URGCP: variants seen among roughly 807,000 people sequenced by gnomAD.
URGCP encodes upregulator of cell proliferation, also known as up-regulator of cell proliferation.
Under a neutral mutation model 24.6 loss-of-function variants are expected in URGCP, and 13 were observed. That is an observed-to-expected ratio of 0.53 (90% CI 0.34 to 0.84). The LOEUF (loss-of-function observed/expected upper bound fraction) is 0.84. Ranked by LOEUF, URGCP falls within the 40% of genes least tolerant of loss-of-function variation. The pLI is 0.01. For missense variants in URGCP, 899 were observed against 1,194.3 expected (o/e 0.75, Z 3.64); for synonymous variants, 444 against 487.2 (o/e 0.91, Z 1.17).
chr7:43,879,329 T>G, intron 5 of URGCP, 69 bp from the exon 6 acceptor site: 1 of 1,511,766 alleles, frequency 6.6e-7, no homozygotes, highest in Middle Eastern at 2.5e-4. Flanking sequence ...GAAGAGCTGG[T>G]GAAGGAGAGC....
chr7:43,922,152 C>G (rs2095923175), intron 1 of URGCP, among the ~76,000 whole-genome samples: 1 of 152,210 alleles, frequency 6.6e-6, no homozygotes, highest in African/African-American at 2.4e-5. Flanking sequence ...GCAACCTCCA[C>G]CTCCCAGGTT....
upstream of URGCP, among the ~76,000 whole-genome samples, chr7:43,908,917 G>A (rs1206890294): frequency 2.0e-5 from 3 of 152,146 alleles, no homozygotes; most frequent in Non-Finnish European, 4.4e-5. Flanking sequence ...AAACTTTCCC[G>A]TGGCCCGTAC....
At chr7:43,891,774 C>T (rs1036602695) in intron 1 of URGCP, among the ~76,000 whole-genome samples, 1 of 152,136 alleles carries the variant, frequency 6.6e-6, no homozygotes, top group Admixed American at 6.6e-5. Context: ...GCTACCACAC[C>T]TGGCTACTTT....
intron 1 of URGCP, among the ~76,000 whole-genome samples, chr7:43,917,294 T>C (rs2095916588): frequency 6.6e-6 from 1 of 152,240 alleles, no homozygotes; most frequent in African/African-American, 2.4e-5. Context: ...AGGTTGGTCT[T>C]AAGCTGTAGC....
intron 1 of URGCP, chr7:43,918,654 C>T (rs1272426941): frequency 4.9e-6 from 3 of 612,124 alleles, no homozygotes; most frequent in East Asian, 5.6e-5. Context: ...CACGCGGCAG[C>T]GTTGCGGGTG....
chr7:43,878,010 C>CT lies in URGCP; in HGVS notation c.1452dup (p.Asp485ArgfsTer38). ...TCGTCCCTTCTGTAGGCATCCGAGT[C>CT]TTTGATTTTCCTGGTAATCCTCTCC... is the stretch of plus-strand genomic sequence containing the variant. On this transcript the variant is annotated frameshift_variant, in exon 6 of 6. Coordinates refer to ENST00000453200, the MANE Select transcript of URGCP (RefSeq NM_001077663.3). LOFTEE classifies it low-confidence loss of function (END_TRUNC). This position sits in a 1 kb window ranked among gnomAD's most constrained non-coding sequence, Gnocchi z 5.6. The CT allele has an allele frequency of 6.2e-7, 1 of 1,614,282 alleles. No individual in the cohort carries two copies. The highest frequency in any genetic ancestry group is 8.5e-7 in the Non-Finnish European group (1 of 1,180,056).
At chr7:43,900,469 C>CAAAAAAAAAAAAAAAAA (rs759728715) in intron 1 of URGCP, among the ~76,000 whole-genome samples, 4 of 114,474 alleles carry the variant, frequency 3.5e-5, no homozygotes, top group African/African-American at 6.8e-5. Context: ...AAAACCAAAA[C>CAAAAAAAAAAAAAAAAA]AAAAAAAAAA....
At chr7:43,901,660 C>T (rs2095890939) in intron 1 of URGCP, among the ~76,000 whole-genome samples, 1 of 152,182 alleles carries the variant, frequency 6.6e-6, no homozygotes, top group Non-Finnish European at 1.5e-5. Context: ...TTACGGGGCC[C>T]CCTTTCCCCT....
At chr7:43,887,926 A>C (rs1184491717) in intron 1 of URGCP, 110 bp from the exon 2 acceptor site, 1 of 692,692 alleles carries the variant, frequency 1.4e-6, no homozygotes, top group Non-Finnish European at 2.4e-6. Flanking sequence ...AATTATGGTC[A>C]AATTCTGCAG....
chr7:43,926,590 G>A, upstream of URGCP: 1 of 1,552,072 alleles, frequency 6.4e-7, no homozygotes, highest in Non-Finnish European at 8.7e-7. Flanking sequence ...CTCTTTGGGT[G>A]TCCGAAGCGT....
chr7:43,925,354 G>A (rs753488690), intron 1 of URGCP, among the ~76,000 whole-genome samples: 7 of 152,182 alleles, frequency 4.6e-5, no homozygotes, highest in Admixed American at 2.6e-4. Flanking sequence ...TGGTCCCAGA[G>A]TAATTATATT....
chr7:43,922,947 T>C (rs2095924241), intron 1 of URGCP, among the ~76,000 whole-genome samples: 1 of 151,644 alleles, frequency 6.6e-6, no homozygotes, highest in Admixed American at 6.6e-5. Context: ...TCTTTCCTTC[T>C]CTCTTTCTCT....
chr7:43,890,236 A>T, intron 1 of URGCP, among the ~76,000 whole-genome samples: 1 of 113,892 alleles, frequency 8.8e-6, no homozygotes. Flanking sequence ...TTTTTTTGAG[A>T]CAGAGTCTCG....
chr7:43,916,716 C>T lies in URGCP; in HGVS notation c.-116+9416G>A, dbSNP rs571464199. Among the ~76,000 whole-genome samples the T allele has an allele frequency of 1.6e-3, 191 of 123,162 alleles. 4 individuals carry two copies. The highest frequency in any genetic ancestry group is 5.2e-3 in the African/African-American group (177 of 33,742). The allele number at this position is 123,162 out of a possible 152,430, so 80.8% of individuals were successfully genotyped here. On this transcript the variant is annotated intron_variant, in intron 1 of 5. Coordinates refer to the URGCP transcript ENST00000426198. ...GATAATCCCACTCCCTACCCACCCC[C>T]CCCCCCCACATAACATGGGTGAAAG...
chr7:43,910,814 C>G (rs1386839484), upstream of URGCP: 1 of 152,082 alleles, frequency 6.6e-6, no homozygotes, highest in Non-Finnish European at 1.5e-5. Context: ...CAAGATTTCA[C>G]CACTGCACTC....
At chr7:43,899,826 T>C (rs2095886438) in intron 1 of URGCP, among the ~76,000 whole-genome samples, 1 of 152,124 alleles carries the variant, frequency 6.6e-6, no homozygotes, top group Admixed American at 6.5e-5. Context: ...TAAAAGAAAG[T>C]ATTAGAGACC....
chr7:43,913,481 G>T (rs2132724907), intron 1 of URGCP, among the ~76,000 whole-genome samples: 1 of 152,112 alleles, frequency 6.6e-6, no homozygotes, highest in South Asian at 2.1e-4. Context: ...GCCTCCCAAA[G>T]TGCTGGGATT....
exon 1 of URGCP, chr7:43,926,269 T>C (rs2095930208): frequency 9.7e-6 from 2 of 207,082 alleles, no homozygotes; most frequent in African/African-American, 4.7e-5. Flanking sequence ...GCCCCTCCTC[T>C]TCGCTGGCCT....
rs367562559 is a variant in URGCP at position 43,877,765 on chromosome 7, G to A, written c.1698C>T (p.Phe566=). 2.5e-6 allele frequency: 4 copies of A among 1,603,900 alleles called. No individual in the cohort carries two copies. Among genetic ancestry groups the A allele is most frequent in the Non-Finnish European group, 2.6e-6 (3 of 1,175,222 alleles). The change falls in exon 6 of 6, where the codon TTC becomes TTT. Residue 566 remains phenylalanine (F), a synonymous_variant. Transcript: ENST00000453200. ...CCAGGCCCCACTCCATCCACCTCAG[G>A]AAGTACTGCTTCTCACTCAAGGAGG... ...SSPSLSEKQY[F]LRWMEWGLAR...
Sources: gnomAD v4.1 joint callset for allele counts (sites outside exome capture counted in the v4.1 genomes callset) on GRCh38, gnomAD v4.1.1 for gene constraint, Gnocchi (gnomAD v3.1) non-coding constraint, MANE v1.5 for transcripts, NCBI Gene and HGNC (gene_info 2026-07-23, HGNC 2026-07-21) for gene names.